The following SH3D19 variants were observed in gnomAD, a reference collection of about 807,000 sequenced individuals.
SH3D19 encodes the protein SH3 domain-containing protein 19.
A neutral mutation model predicts 112.1 loss-of-function variants in SH3D19; 58 were observed. The ratio of observed to expected loss-of-function variants is 0.52; its 90% CI spans 0.42 to 0.64. The LOEUF is 0.64. SH3D19 is among the 30% of genes least tolerant of loss of function. The pLI, the probability that SH3D19 is intolerant of heterozygous loss-of-function variation, is 0.00. For missense variants in SH3D19, 1,090 were observed against 1,263.4 expected, an observed-to-expected ratio of 0.86 and a Z score of 2.08; for synonymous variants, 391 against 448.5, an observed-to-expected ratio of 0.87 and a Z score of 1.62.
At chr4:151,244,379 A>G (rs1311395102) in intron 1 of SH3D19, among the ~76,000 whole-genome samples, 3 of 152,254 alleles carry the variant, frequency 2.0e-5, no homozygotes, top group Non-Finnish European at 4.4e-5. Flanking sequence ...AGGAAAGCTT[A>G]ACATTCAATT....
intron 11 of SH3D19, chr4:151,144,299 A>C (rs1753543941): frequency 6.2e-7 from 1 of 1,612,624 alleles, no homozygotes; most frequent in East Asian, 2.2e-5. Flanking sequence ...CTTAAACGTA[A>C]ACCAATAAAA....
chr4:151,250,687 G>A (rs375296679), intron 1 of SH3D19, among the ~76,000 whole-genome samples: 11 of 152,288 alleles, frequency 7.2e-5, no homozygotes, highest in Admixed American at 6.5e-4. Flanking sequence ...GCAGGCACCA[G>A]AAGAAGAGGA....
At chr4:151,254,922 C>T (rs374833673) in intron 1 of SH3D19, among the ~76,000 whole-genome samples, 44,990 of 142,704 alleles carry the variant, frequency 0.32, 9,089 homozygotes, top group Non-Finnish European at 0.44. Context: ...CCTCACCTCC[C>T]GGGAGGGGCG....
At chr4:151,310,705 G>A (rs1265891815) in intron 1 of SH3D19, among the ~76,000 whole-genome samples, 1 of 151,536 alleles carries the variant, frequency 6.6e-6, no homozygotes, top group African/African-American at 2.4e-5. Flanking sequence ...CTGAGTAGCT[G>A]GGACTACAGG....
chr4:151,241,077 G>C (rs1770512119), intron 1 of SH3D19, among the ~76,000 whole-genome samples: 2 of 151,378 alleles, frequency 1.3e-5, no homozygotes, highest in Non-Finnish European at 1.5e-5. Flanking sequence ...CTTAGCCCAG[G>C]AGTTTGAGAC....
At chr4:151,224,532 A>G (rs565331662) in intron 2 of SH3D19, among the ~76,000 whole-genome samples, 1 of 152,226 alleles carries the variant, frequency 6.6e-6, no homozygotes, top group African/African-American at 2.4e-5. Flanking sequence ...CTGGTGTTTC[A>G]TTCTAAGGGT....
Position 151,322,230 on chromosome 4 carries a change from C to T in SH3D19, c.112+3011G>A, listed in dbSNP as rs182072167. ...TTGGGAGGCTGAGGTGGGAGGAGTTCGAGATCACCCTGGCCAACATGGTGA... is the reference window on the plus strand; with the variant it reads ...TTGGGAGGCTGAGGTGGGAGGAGTTTGAGATCACCCTGGCCAACATGGTGA... On this transcript the variant is annotated intron_variant, in intron 1 of 19. Transcript: ENST00000604030. 1.7e-3 allele frequency among the ~76,000 whole-genome samples: 263 copies of T among 151,902 alleles called. 2 individuals carry two copies. Among genetic ancestry groups the T allele is most frequent in the African/African-American group, 6.1e-3 (251 of 41,428 alleles).
chr4:151,278,226 A>G (rs1773837427), intron 1 of SH3D19, among the ~76,000 whole-genome samples: 1 of 152,160 alleles, frequency 6.6e-6, no homozygotes, highest in South Asian at 2.1e-4. Flanking sequence ...CATATTCCTG[A>G]TGGTGACCTT....
At chr4:151,141,678 T>C (rs951035172) in intron 12 of SH3D19, among the ~76,000 whole-genome samples, 10 of 152,246 alleles carry the variant, frequency 6.6e-5, no homozygotes, top group Non-Finnish European at 2.9e-5. Flanking sequence ...ATTTATATAA[T>C]GTGTTATACA....
intron 17 of SH3D19, among the ~76,000 whole-genome samples, chr4:151,131,995 TG>T (rs1191234716): frequency 2.6e-5 from 4 of 152,062 alleles, no homozygotes; most frequent in Non-Finnish European, 4.4e-5. Context: ...GGTTAATTTT[TG>T]TATTTTTAGT....
At chr4:151,311,181 A>G (rs1484498308) in intron 1 of SH3D19, among the ~76,000 whole-genome samples, 1 of 151,660 alleles carries the variant, frequency 6.6e-6, no homozygotes, top group Non-Finnish European at 1.5e-5. Context: ...GCCTTTAAAA[A>G]GAAGGAAATC....
chr4:151,199,503 T>G (rs1269661894), intron 2 of SH3D19, among the ~76,000 whole-genome samples: 1 of 152,064 alleles, frequency 6.6e-6, no homozygotes, highest in Non-Finnish European at 1.5e-5. Flanking sequence ...TTCCAAATAG[T>G]CTCAAAGTAA....
intron 1 of SH3D19, among the ~76,000 whole-genome samples, chr4:151,294,834 TA>T (rs1216637702): frequency 6.6e-6 from 1 of 152,122 alleles, no homozygotes; most frequent in Non-Finnish European, 1.5e-5. Flanking sequence ...GATAATAAAA[TA>T]AGAGAAGCAG....
chr4:151,215,014 G>A (rs942837156), intron 2 of SH3D19, among the ~76,000 whole-genome samples: 3 of 146,262 alleles, frequency 2.1e-5, no homozygotes, highest in Non-Finnish European at 1.5e-5. Context: ...GGGCAGAGGC[G>A]CTCCTCACAT....
Position 151,290,565 on chromosome 4 carries a change from G to C in SH3D19, c.112+34676C>G, listed in dbSNP as rs190170683. On this transcript the variant is annotated intron_variant, in intron 1 of 19. Coordinates refer to ENST00000604030, the MANE Select transcript of SH3D19 (RefSeq NM_001378122.1). ...GAAGAAATGGGGATAATTACAAATG[G>C]GTATGAGGTTTCTTTTTAGGGTGAT... Among the ~76,000 whole-genome samples the C allele has an allele frequency of 3.9e-5, 6 of 152,280 alleles. No individual in the cohort carries two copies. In the East Asian group the frequency reaches 1.2e-3, roughly 29 times the overall value.
intron 16 of SH3D19, 75 bp from the exon 17 acceptor site, chr4:151,132,458 G>T: frequency 1.5e-6 from 2 of 1,334,246 alleles, no homozygotes; most frequent in Non-Finnish European, 2.1e-6. Flanking sequence ...AAAAACAAAT[G>T]GTTGAGGTGG....
chr4:151,187,143 TAA>T (rs767499139), intron 3 of SH3D19, among the ~76,000 whole-genome samples: 1 of 139,754 alleles, frequency 7.2e-6, no homozygotes. Context: ...AGAGGCAAAT[TAA>T]AAAAAAAAAA....
In SH3D19 at chr4:151,295,378, TG is replaced by T. The variant is rs377742929; in HGVS notation, c.112+29862del. On this transcript the variant is annotated intron_variant, in intron 1 of 19. Transcript: ENST00000604030. The stretch of plus-strand genomic sequence containing the variant: ...TAGAGCTGAGTGAAACAAGGACTGC[TG>T]TATCCTGAATATCAGTGAGTTTCCA... Among the ~76,000 whole-genome samples, 174 of 152,348 alleles carry T rather than the reference TG, an allele frequency of 1.1e-3. 1 individual carries two copies. The highest frequency in any genetic ancestry group is 3.4e-3 in the Middle Eastern group (1 of 294).
At position 151,147,973 on chromosome 4, in the gene SH3D19, C is replaced by A. The variant is rs370910406; in HGVS notation, c.2031G>T (p.Pro677=). The A allele has an allele frequency of 1.2e-6, 2 of 1,614,006 alleles. No homozygotes were observed. Among genetic ancestry groups the A allele is most frequent in the Admixed American group, 3.3e-5 (2 of 59,996 alleles). Residue 677 remains proline, a synonymous_variant, in exon 11 of 20, where the codon CCG becomes CCT. Coordinates refer to ENST00000604030, the MANE Select transcript of SH3D19 (RefSeq NM_001378122.1). ...CTGGTTTGGGACGAGGGGGTAGCAC[C>A]GGATCTTGATTTTTAAAAACTTGAC... The part of the protein sequence containing the change: ...AKSQVFKNQD[P]VLPPRPKPGH...
Sources: allele counts gnomAD v4.1 joint callset (sites outside exome capture counted in the v4.1 genomes callset), GRCh38; gene constraint gnomAD v4.1.1; transcripts MANE v1.5; gene names NCBI Gene and HGNC (gene_info 2026-07-23, HGNC 2026-07-21).